The following GPD1L variants were observed in gnomAD, a reference collection of about 807,000 sequenced individuals.
The protein encoded by GPD1L is glycerol-3-phosphate dehydrogenase 1-like protein.
In GPD1L, 17 loss-of-function variants were observed where a neutral mutation model predicts 32.9. That is an observed-to-expected ratio of 0.52 (90% confidence interval 0.35 to 0.78). The LOEUF (loss-of-function observed/expected upper bound fraction) is 0.78, where lower values mean the gene tolerates loss of function less well. Ranked by LOEUF, GPD1L falls within the 30% of genes least tolerant of loss-of-function variation. The probability of loss-of-function intolerance (pLI) is 0.01; values close to 1 mark genes in which losing one functional copy is unlikely to be tolerated. For missense variants in GPD1L, 361 were observed against 447.8 expected (o/e 0.81, Z 1.75); for synonymous variants, 187 against 165.9 (o/e 1.13, Z -0.98).
chr3:32,149,258 G>A (rs999423438), intron 5 of GPD1L, among the ~76,000 whole-genome samples: 1 of 152,018 alleles, frequency 6.6e-6, no homozygotes, highest in South Asian at 2.1e-4. Flanking sequence ...ATGGGGCCTC[G>A]CTGTGTTGTT....
rs2125464476 is a variant in GPD1L at position 32,106,965 on chromosome 3, C to G, written c.47+207C>G. 2.3e-6 allele frequency: 1 copy of G among 429,924 alleles called. No homozygotes were observed. Among genetic ancestry groups the G allele is most frequent in the East Asian group, 3.8e-5 (1 of 26,422 alleles). The allele number at this position is 429,924 out of a possible 1,614,324, so 26.6% of individuals were successfully genotyped here. A position where few individuals can be genotyped will look rare whatever the true frequency, so the allele number is the denominator to read the frequency against. Reference sequence around the variant, plus strand: ...GCTCGGGAGGCGCTGGGCTCGCGTGCGTGCGGGGGACAGCGCGGAGAGAGG... The same window carrying G: ...GCTCGGGAGGCGCTGGGCTCGCGTGGGTGCGGGGGACAGCGCGGAGAGAGG... On this transcript the variant is annotated intron_variant, in intron 1 of 7. Coordinates refer to ENST00000282541, the MANE Select transcript of GPD1L (RefSeq NM_015141.4). The surrounding 1 kb of genome is among the most constrained non-coding windows in gnomAD (Gnocchi z 4.0).
At chr3:32,134,478 C>A (rs1700633423) in intron 2 of GPD1L, among the ~76,000 whole-genome samples, 2 of 152,110 alleles carry the variant, frequency 1.3e-5, no homozygotes, top group Admixed American at 6.5e-5. Flanking sequence ...CTAGCAGATT[C>A]CTTGAGAATG....
At chr3:32,121,652 T>A (rs35642355) in intron 1 of GPD1L, among the ~76,000 whole-genome samples, 21,793 of 126,746 alleles carry the variant, frequency 0.17, 3,049 homozygotes, top group East Asian at 0.53. Context: ...ATATAATATA[T>A]ATATTTCTAT....
intron 4 of GPD1L, among the ~76,000 whole-genome samples, chr3:32,144,503 G>GT (rs1700792051): frequency 6.6e-6 from 1 of 152,176 alleles, no homozygotes; most frequent in Non-Finnish European, 1.5e-5. Flanking sequence ...TTTTGAAGGA[G>GT]TTTTATTACA....
At chr3:32,135,145 G>C (rs906328067) in intron 2 of GPD1L, among the ~76,000 whole-genome samples, 3 of 152,170 alleles carry the variant, frequency 2.0e-5, no homozygotes, top group Admixed American at 1.3e-4. Flanking sequence ...ATGCCCCAAA[G>C]GGGGAAAGGG....
intron 5 of GPD1L, chr3:32,151,390 CT>C: frequency 3.0e-6 from 2 of 676,726 alleles, no homozygotes; most frequent in South Asian, 3.3e-5. Context: ...CATGGTGACA[CT>C]TGTGGGGCAT....
At chr3:32,142,310 G>T (rs760705547) in intron 4 of GPD1L, among the ~76,000 whole-genome samples, 3 of 151,970 alleles carry the variant, frequency 2.0e-5, no homozygotes, top group Non-Finnish European at 4.4e-5. Context: ...GTAGAGACAG[G>T]GTTTCACCAT....
At chr3:32,121,737 CTATATATAT>C (rs1559570700) in intron 1 of GPD1L, among the ~76,000 whole-genome samples, 1 of 127,376 alleles carries the variant, frequency 7.9e-6, no homozygotes, top group Non-Finnish European at 1.6e-5. Flanking sequence ...ATATATATTT[CTATATATAT>C]ATTTCTATAT....
At chr3:32,163,144 T>C (rs892467115) in intron 7 of GPD1L, among the ~76,000 whole-genome samples, 1 of 147,664 alleles carries the variant, frequency 6.8e-6, no homozygotes, top group African/African-American at 2.5e-5. Context: ...GTGGGATAGC[T>C]GGCTGACTGG....
intron 4 of GPD1L, among the ~76,000 whole-genome samples, chr3:32,143,440 AG>A (rs1700776640): frequency 6.6e-6 from 1 of 152,160 alleles, no homozygotes; most frequent in Admixed American, 6.5e-5. Context: ...CCAAAGTAAG[AG>A]ATATGTTATA....
At chr3:32,141,217 C>G (rs1306789397) in intron 4 of GPD1L, among the ~76,000 whole-genome samples, 1 of 152,134 alleles carries the variant, frequency 6.6e-6, no homozygotes, top group African/African-American at 2.4e-5. Context: ...GAAAATGTAG[C>G]TCCAGATTCT....
At chr3:32,127,107 C>T (rs1239758761) in intron 1 of GPD1L, among the ~76,000 whole-genome samples, 1 of 152,174 alleles carries the variant, frequency 6.6e-6, no homozygotes, top group African/African-American at 2.4e-5. Flanking sequence ...TGTTCTGCAT[C>T]CACTTGGCCG....
chr3:32,125,445 AT>A (rs2125477040), intron 1 of GPD1L, among the ~76,000 whole-genome samples: 1 of 152,194 alleles, frequency 6.6e-6, no homozygotes, highest in Admixed American at 6.5e-5. Flanking sequence ...CCCAGCCCTG[AT>A]TTGCGAAGCT....
intron 1 of GPD1L, among the ~76,000 whole-genome samples, chr3:32,117,904 C>T (rs745884203): frequency 6.6e-6 from 1 of 152,194 alleles, no homozygotes; most frequent in Non-Finnish European, 1.5e-5. Context: ...CCTCCATTCA[C>T]TCAGATGAAC....
rs1035514495 is a variant in GPD1L, at chr3:32,158,527, T to C, written c.619-349T>C. The C allele has an allele frequency of 1.2e-4, 48 of 402,522 alleles. 1 individual carries two copies. Among genetic ancestry groups the C allele is most frequent in the South Asian group, 8.8e-4 (38 of 43,216 alleles). The allele number at this position is 402,522 out of a possible 1,614,324, so 24.9% of individuals were successfully genotyped here. A position where few individuals can be genotyped will look rare whatever the true frequency, so the allele number is the denominator to read the frequency against. ...TGTGTACTTTTCTGTATGAATGTTA[T>C]GGTTGCATAAAGCATTCCATTTAAA... On this transcript the variant is annotated intron_variant, in intron 5 of 7. Coordinates refer to ENST00000282541, the MANE Select transcript of GPD1L (RefSeq NM_015141.4).
intron 2 of GPD1L, among the ~76,000 whole-genome samples, chr3:32,132,812 G>A (rs1315602108): frequency 1.3e-5 from 2 of 152,160 alleles, no homozygotes; most frequent in Non-Finnish European, 2.9e-5. Flanking sequence ...TATTATTGGT[G>A]TTGTACTGGG....
chr3:32,149,564 A>T (rs533160675), intron 5 of GPD1L, among the ~76,000 whole-genome samples: 7 of 152,222 alleles, frequency 4.6e-5, no homozygotes, highest in Non-Finnish European at 8.8e-5. Context: ...AGTGCCTCTT[A>T]CTACCTTCGG....
At chr3:32,153,861 C>A (rs956875403) in intron 5 of GPD1L, among the ~76,000 whole-genome samples, 2 of 152,162 alleles carry the variant, frequency 1.3e-5, no homozygotes, top group African/African-American at 4.8e-5. Context: ...CTATTCAGAA[C>A]TGGAAAGAGT....
rs1443008279 is a variant in GPD1L, at chr3:32,151,316, C to G, written c.618+4582C>G. ...ATTAATTCTTGGCAAGAATCTTGCC[C>G]TTAACTTGTTTACCACAATGCCAGC... On this transcript the variant is annotated intron_variant, in intron 5 of 7. Coordinates refer to ENST00000282541, the MANE Select transcript of GPD1L (RefSeq NM_015141.4). The G allele has an allele frequency of 2.2e-5, 14 of 650,530 alleles. No individual in the cohort carries two copies. In the East Asian group the frequency reaches 4.0e-4, roughly 19 times the overall value. 40.3% of individuals were successfully genotyped at this position (650,530 alleles called of 1,614,324 possible).
Sources: gnomAD v4.1 joint callset for allele counts (sites outside exome capture counted in the v4.1 genomes callset) on GRCh38, gnomAD v4.1.1 for gene constraint, Gnocchi (gnomAD v3.1) non-coding constraint, MANE v1.5 for transcripts, NCBI Gene and HGNC (gene_info 2026-07-23, HGNC 2026-07-21) for gene names.